Variants in ADGRB3 observed in about 807,000 individuals in gnomAD.
ADGRB3 encodes the protein adhesion G protein-coupled receptor B3.
In ADGRB3, 37 loss-of-function variants were observed where a neutral mutation model predicts 193.4. The observed-to-expected ratio is 0.19, with a 90% CI of 0.15 to 0.25. The LOEUF is 0.25. Ranked by LOEUF, ADGRB3 falls within the 10% of genes least tolerant of loss-of-function variation. The probability of loss-of-function intolerance (pLI) is 1.00; values close to 1 mark genes in which losing one functional copy is unlikely to be tolerated. For missense variants in ADGRB3, 1,637 were observed against 1,852.9 expected, an observed-to-expected ratio of 0.88 and a Z score of 2.14; for synonymous variants, 690 against 644.2, an observed-to-expected ratio of 1.07 and a Z score of -1.08.
chr6:69,303,579 A>G (rs1180958876), intron 20 of ADGRB3, among the ~76,000 whole-genome samples: 1 of 151,912 alleles, frequency 6.6e-6, no homozygotes, highest in Non-Finnish European at 1.5e-5. Context: ...ATTCCCGCAC[A>G]TTCAGCAATT....
chr6:68,761,034 T>A (rs1766385875), intron 3 of ADGRB3, among the ~76,000 whole-genome samples: 1 of 152,174 alleles, frequency 6.6e-6, no homozygotes, highest in Admixed American at 6.6e-5. Context: ...GCTGGAAAAA[T>A]TAAGTTGATT....
chr6:69,237,155 T>C lies in ADGRB3; in HGVS notation c.2712-1969T>C, dbSNP rs145604209. On this transcript the variant is annotated intron_variant, in intron 19 of 31. Coordinates refer to ENST00000370598, the MANE Select transcript of ADGRB3 (RefSeq NM_001704.3). The stretch of plus-strand genomic sequence containing the variant: ...ATTGTGAAGTATTATCCTTGCTTAC[T>C]AGAAGGATGCCATTATACATGTAGG... Among the ~76,000 whole-genome samples, 485 of 152,134 alleles carry C rather than the reference T, an allele frequency of 3.2e-3. 7 individuals are homozygous for C. The highest frequency in any genetic ancestry group is 2.9e-3 in the Non-Finnish European group (200 of 67,898).
intron 8 of ADGRB3, among the ~76,000 whole-genome samples, chr6:68,974,057 C>T (rs915693943): frequency 2.0e-5 from 3 of 151,960 alleles, no homozygotes; most frequent in Non-Finnish European, 4.4e-5. Context: ...TAAAAAGTTA[C>T]GTATTTTTAC....
intron 3 of ADGRB3, among the ~76,000 whole-genome samples, chr6:68,825,127 G>C (rs898441850): frequency 6.6e-6 from 1 of 152,098 alleles, no homozygotes; most frequent in African/African-American, 2.4e-5. Flanking sequence ...GAAGTGCTGA[G>C]ATTACAGACT....
intron 17 of ADGRB3, among the ~76,000 whole-genome samples, chr6:69,215,190 C>G (rs1338648070): frequency 6.6e-6 from 1 of 152,048 alleles, no homozygotes; most frequent in Non-Finnish European, 1.5e-5. Context: ...ATTAGAGATA[C>G]GATTGGATTT....
At chr6:68,804,542 G>A (rs906276357) in intron 3 of ADGRB3, among the ~76,000 whole-genome samples, 7 of 152,078 alleles carry the variant, frequency 4.6e-5, no homozygotes, top group Admixed American at 3.3e-4. Context: ...ACAGTTCTCA[G>A]CATATTATAA....
At chr6:68,864,066 C>T (rs1307686358) in intron 3 of ADGRB3, among the ~76,000 whole-genome samples, 2 of 152,042 alleles carry the variant, frequency 1.3e-5, no homozygotes, top group Non-Finnish European at 2.9e-5. Flanking sequence ...TATTTCTTCT[C>T]TTCAATTACA....
At chr6:68,750,118 A>G (rs569447932) in intron 3 of ADGRB3, among the ~76,000 whole-genome samples, 212 of 152,340 alleles carry the variant, frequency 1.4e-3, no homozygotes, top group Admixed American at 2.6e-3. Context: ...CATTGCTGCC[A>G]TAAATATCAG....
intron 3 of ADGRB3, among the ~76,000 whole-genome samples, chr6:68,914,036 G>T (rs1200841561): frequency 6.6e-6 from 1 of 151,638 alleles, no homozygotes; most frequent in Admixed American, 6.6e-5. Flanking sequence ...AGAAATATGG[G>T]ACTATGTGAA....
At chr6:69,182,891 G>A (rs1001924602) in intron 17 of ADGRB3, among the ~76,000 whole-genome samples, 4 of 152,162 alleles carry the variant, frequency 2.6e-5, no homozygotes, top group Admixed American at 1.3e-4. Context: ...ATTCTTGTGA[G>A]CCTTTATGAG....
intron 10 of ADGRB3, among the ~76,000 whole-genome samples, chr6:68,976,018 C>T (rs981678897): frequency 1.3e-5 from 2 of 152,122 alleles, no homozygotes; most frequent in African/African-American, 4.8e-5. Flanking sequence ...GTCAACAGGG[C>T]CTCCATACAT....
chr6:68,892,698 T>C (rs766422482), intron 3 of ADGRB3, among the ~76,000 whole-genome samples: 1 of 152,110 alleles, frequency 6.6e-6, no homozygotes, highest in Non-Finnish European at 1.5e-5. Context: ...AATACGAATA[T>C]GTAACTACTA....
chr6:68,804,049 AG>A (rs1277868479), intron 3 of ADGRB3, among the ~76,000 whole-genome samples: 1 of 152,160 alleles, frequency 6.6e-6, no homozygotes, highest in Non-Finnish European at 1.5e-5. Context: ...TAGGAGCTCA[AG>A]GTCTAATTGG....
At chr6:68,792,545 A>C (rs1293860821) in intron 3 of ADGRB3, among the ~76,000 whole-genome samples, 1 of 152,066 alleles carries the variant, frequency 6.6e-6, no homozygotes, top group Non-Finnish European at 1.5e-5. Context: ...CTCTGAGCTG[A>C]ATTCCTTCAT....
At chr6:68,832,890 G>A (rs1202606707) in intron 3 of ADGRB3, among the ~76,000 whole-genome samples, 1 of 152,168 alleles carries the variant, frequency 6.6e-6, no homozygotes, top group Non-Finnish European at 1.5e-5. Context: ...TAAAGGAACA[G>A]CACAACATTT....
intron 3 of ADGRB3, among the ~76,000 whole-genome samples, chr6:68,683,527 A>G (rs2127299084): frequency 6.6e-6 from 1 of 152,332 alleles, no homozygotes; most frequent in Admixed American, 6.5e-5. Context: ...ATTATGAGTA[A>G]TATTTTCCCT....
At chr6:68,980,429 T>C (rs1307596993) in intron 10 of ADGRB3, among the ~76,000 whole-genome samples, 1 of 151,362 alleles carries the variant, frequency 6.6e-6, no homozygotes, top group Non-Finnish European at 1.5e-5. Flanking sequence ...TTGCTTTCCT[T>C]TTTTCTCCCT....
chr6:69,332,729 T>C (rs1662908765), intron 23 of ADGRB3, 194 bp from the exon 24 acceptor site: 2 of 985,470 alleles, frequency 2.0e-6, no homozygotes, highest in Non-Finnish European at 2.4e-6. Context: ...TAATGTACTT[T>C]ACAACTTTAA....
At chr6:68,759,067 C>T (rs945429775) in intron 3 of ADGRB3, among the ~76,000 whole-genome samples, 3 of 152,084 alleles carry the variant, frequency 2.0e-5, no homozygotes, top group Non-Finnish European at 4.4e-5. Context: ...ATCACCTCAT[C>T]GGAAGAGGCT....
Sources: gnomAD v4.1 joint callset for allele counts (sites outside exome capture counted in the v4.1 genomes callset) on GRCh38, gnomAD v4.1.1 for gene constraint, MANE v1.5 for transcripts, NCBI Gene and HGNC (gene_info 2026-07-23, HGNC 2026-07-21) for gene names.